KLHL1: variants seen among roughly 807,000 people sequenced by gnomAD.
KLHL1 encodes the protein kelch like family member 1.
A neutral mutation model predicts 77.7 loss-of-function variants in KLHL1; 47 were observed. That is an observed-to-expected ratio of 0.60 (90% CI 0.48 to 0.77). The LOEUF is 0.77. KLHL1 is among the 30% of genes least tolerant of loss of function. The pLI is 0.00. For synonymous variants in KLHL1, 360 were observed against 325.2 expected (o/e 1.11, Z -1.15); for missense variants, 925 against 910.8 (o/e 1.02, Z -0.20).
chr13:69,947,476 C>A lies in KLHL1; in HGVS notation c.818-7240G>T, dbSNP rs183822166. Among the ~76,000 whole-genome samples, 946 of 151,736 alleles carry A rather than the reference C, an allele frequency of 6.2e-3. 7 individuals carry two copies. Among genetic ancestry groups the A allele is most frequent in the African/African-American group, 0.02 (810 of 41,368 alleles). On this transcript the variant is annotated intron_variant, in intron 3 of 10. Coordinates refer to ENST00000377844, the MANE Select transcript of KLHL1 (RefSeq NM_020866.3). ...TTTTCTTGAAACATATTTATTCAGT[C>A]TAAATTCAAACCCTTGATAATAATA...
At chr13:70,106,906 CATA>C (rs1888072877) in intron 1 of KLHL1, among the ~76,000 whole-genome samples, 1 of 152,098 alleles carries the variant, frequency 6.6e-6, no homozygotes, top group Admixed American at 6.5e-5. Context: ...AGAAGAACAC[CATA>C]ATCTCAGGAA....
chr13:69,738,699 GA>G (rs898675893), intron 8 of KLHL1, among the ~76,000 whole-genome samples: 1 of 151,830 alleles, frequency 6.6e-6, no homozygotes, highest in Non-Finnish European at 1.5e-5. Context: ...TAAGATTAGA[GA>G]AAAAAATAAC....
At chr13:69,895,767 T>G (rs747723162) in intron 4 of KLHL1, among the ~76,000 whole-genome samples, 1 of 150,800 alleles carries the variant, frequency 6.6e-6, no homozygotes, top group Admixed American at 6.6e-5. Flanking sequence ...TTTGCAGTGG[T>G]GTGGTCTCGG....
At chr13:69,973,734 A>C (rs908037688) in intron 2 of KLHL1, among the ~76,000 whole-genome samples, 1 of 152,076 alleles carries the variant, frequency 6.6e-6, no homozygotes, top group Non-Finnish European at 1.5e-5. Context: ...AGCGTCACAC[A>C]ATATTTATTT....
At chr13:70,032,321 A>G (rs1010573288) in intron 1 of KLHL1, among the ~76,000 whole-genome samples, 2 of 152,218 alleles carry the variant, frequency 1.3e-5, no homozygotes, top group Non-Finnish European at 2.9e-5. Context: ...TTCTTCCTTC[A>G]GTATAAAGAA....
chr13:70,033,413 T>C (rs1421352555), intron 1 of KLHL1, among the ~76,000 whole-genome samples: 5 of 151,950 alleles, frequency 3.3e-5, no homozygotes, highest in East Asian at 2.0e-4. Flanking sequence ...CCTCAGCCTC[T>C]CCAGTAGCTG....
chr13:69,799,566 A>C (rs897609381), intron 6 of KLHL1, among the ~76,000 whole-genome samples: 5 of 152,120 alleles, frequency 3.3e-5, no homozygotes, highest in African/African-American at 1.2e-4. Context: ...TTCCATCTTC[A>C]TTTTTCAAAT....
chr13:70,035,537 A>G (rs1178896543), intron 1 of KLHL1, among the ~76,000 whole-genome samples: 1 of 152,064 alleles, frequency 6.6e-6, no homozygotes, highest in African/African-American at 2.4e-5. Context: ...AGTGAAACAA[A>G]CTAAATAAGA....
At chr13:69,787,909 C>T (rs1280962850) in intron 7 of KLHL1, among the ~76,000 whole-genome samples, 3 of 152,176 alleles carry the variant, frequency 2.0e-5, no homozygotes, top group Admixed American at 6.5e-5. Flanking sequence ...TGAAAAAATG[C>T]TCATCATCAC....
At chr13:69,845,891 G>GAA (rs199562330) in intron 5 of KLHL1, among the ~76,000 whole-genome samples, 1 of 150,128 alleles carries the variant, frequency 6.7e-6, no homozygotes, top group Non-Finnish European at 1.5e-5. Context: ...GTCGATATTT[G>GAA]AAAAAAAATA....
rs754009062 is a variant in KLHL1 at position 70,107,305 on chromosome 13, C to T, written c.395G>A (p.Gly132Asp). 3 of 1,614,102 alleles carry T rather than the reference C, an allele frequency of 1.9e-6. No homozygotes were observed. The highest frequency in any genetic ancestry group is 2.2e-5 in the South Asian group (2 of 91,090). The change falls in exon 1 of 11, where the codon GGC (glycine) becomes GAC (aspartate). Residue 132 changes from glycine to aspartate, a missense_variant. Physicochemically the swap from Gly to Asp is moderately conservative, Grantham distance 94. Transcript: ENST00000377844. ...TTCGTGTGGTCCAGGAAAGTCCATG[C>T]CTGGCACCACCTCCTCCTCTAGTGA... is the stretch of plus-strand genomic sequence containing the variant. ...VESLEEEVVP[G>D]MDFPGPHEKG...
chr13:69,940,419 T>C (rs576018145), intron 3 of KLHL1, among the ~76,000 whole-genome samples, 183 bp from the exon 4 acceptor site: 1 of 152,246 alleles, frequency 6.6e-6, no homozygotes, highest in Non-Finnish European at 1.5e-5. Context: ...TCGTATTTCA[T>C]GTAATATTCA....
At chr13:69,844,581 G>A (rs1238995347) in intron 5 of KLHL1, among the ~76,000 whole-genome samples, 2 of 151,478 alleles carry the variant, frequency 1.3e-5, no homozygotes, top group Non-Finnish European at 3.0e-5. Context: ...ATTACTGTGG[G>A]GGTTAGGCCA....
intron 1 of KLHL1, among the ~76,000 whole-genome samples, chr13:70,079,413 A>G (rs1887341018): frequency 1.3e-5 from 2 of 152,224 alleles, no homozygotes; most frequent in Admixed American, 1.3e-4. Context: ...TACCTACTTA[A>G]GTACCAAGAT....
At chr13:69,893,274 C>CCGGACTG (rs1207203796) in intron 4 of KLHL1, among the ~76,000 whole-genome samples, 4 of 146,810 alleles carry the variant, frequency 2.7e-5, no homozygotes, top group African/African-American at 1.0e-4. Context: ...GTCGCCCAGG[C>CCGGACTG]CGGACTGCGG....
At chr13:69,761,241 G>A (rs1477835909) in intron 7 of KLHL1, among the ~76,000 whole-genome samples, 1 of 152,166 alleles carries the variant, frequency 6.6e-6, no homozygotes, top group Non-Finnish European at 1.5e-5. Flanking sequence ...AGACAGAAAG[G>A]AAAATGATGC....
chr13:69,753,061 G>A (rs1380590720), intron 7 of KLHL1, among the ~76,000 whole-genome samples: 2 of 152,076 alleles, frequency 1.3e-5, no homozygotes, highest in Non-Finnish European at 2.9e-5. Flanking sequence ...GTGTGTTGCA[G>A]TCTGAGATTC....
chr13:69,946,008 TATTG>T (rs1883513988), intron 3 of KLHL1, among the ~76,000 whole-genome samples: 1 of 152,128 alleles, frequency 6.6e-6, no homozygotes, highest in African/African-American at 2.4e-5. Context: ...ATAAAATAAT[TATTG>T]ATTATGAAAT....
chr13:69,969,347 T>G (rs1353682206), intron 2 of KLHL1, among the ~76,000 whole-genome samples: 2 of 152,072 alleles, frequency 1.3e-5, no homozygotes, highest in Admixed American at 1.3e-4. Flanking sequence ...TGTCAACTTT[T>G]TATAATCTCA....
Sources: allele counts gnomAD v4.1 joint callset (sites outside exome capture counted in the v4.1 genomes callset), GRCh38; gene constraint gnomAD v4.1.1; transcripts MANE v1.5; gene names NCBI Gene and HGNC (gene_info 2026-07-23, HGNC 2026-07-21).